Variants in CDH13 observed in about 807,000 individuals in gnomAD.
CDH13 encodes cadherin 13, also known as cadherin-13.
CDH13 carries 24 observed loss-of-function variants against 63.8 expected under a neutral mutation model. The observed-to-expected ratio is 0.38, with a 90% CI of 0.27 to 0.53. CDH13 has a LOEUF of 0.53. Among genes scored for constraint, CDH13 ranks in the 20% least tolerant of loss-of-function variants. The probability of loss-of-function intolerance (pLI) is 0.85; values close to 1 mark genes in which losing one functional copy is unlikely to be tolerated. For missense variants in CDH13, 1,049 were observed against 903.1 expected (o/e 1.16, Z -2.07); for synonymous variants, 503 against 355.3 (o/e 1.42, Z -4.67).
intron 4 of CDH13, among the ~76,000 whole-genome samples, chr16:83,153,519 A>T (rs2037079499): frequency 6.6e-6 from 1 of 152,222 alleles, no homozygotes; most frequent in Admixed American, 6.5e-5. Flanking sequence ...AAGGGCTGTT[A>T]TCACCTTTGT....
chr16:82,930,894 C>G (rs1241333282), intron 2 of CDH13, among the ~76,000 whole-genome samples: 1 of 152,156 alleles, frequency 6.6e-6, no homozygotes, highest in Non-Finnish European at 1.5e-5. Context: ...AGATTAAAAT[C>G]CTGAGCTTTA....
intron 1 of CDH13, among the ~76,000 whole-genome samples, chr16:82,681,458 A>T (rs1914536271): frequency 6.6e-6 from 1 of 152,210 alleles, no homozygotes; most frequent in African/African-American, 2.4e-5. Flanking sequence ...AGTGTTCCAG[A>T]TGTCATTAAT....
intron 5 of CDH13, among the ~76,000 whole-genome samples, chr16:83,311,622 C>T (rs1334824997): frequency 2.0e-5 from 3 of 152,204 alleles, no homozygotes; most frequent in Admixed American, 6.5e-5. Flanking sequence ...GCAGTTCATG[C>T]AGTTACTAAC....
At chr16:82,987,655 G>A (rs941342532) in intron 2 of CDH13, among the ~76,000 whole-genome samples, 4 of 152,308 alleles carry the variant, frequency 2.6e-5, no homozygotes, top group Admixed American at 1.3e-4. Context: ...AGGATTACAG[G>A]CATGAGCCAC....
At chr16:83,314,333 G>C (rs1308065338) in intron 5 of CDH13, among the ~76,000 whole-genome samples, 1 of 151,912 alleles carries the variant, frequency 6.6e-6, no homozygotes, top group Non-Finnish European at 1.5e-5. Context: ...CAGCTGATTA[G>C]ATAAATGTAC....
intron 2 of CDH13, among the ~76,000 whole-genome samples, chr16:82,982,080 A>G (rs1910337743): frequency 6.6e-6 from 1 of 152,176 alleles, no homozygotes; most frequent in Non-Finnish European, 1.5e-5. Flanking sequence ...TTTAGCACTT[A>G]TTAGCTAATA....
At chr16:82,894,720 C>T (rs549403822) in intron 2 of CDH13, among the ~76,000 whole-genome samples, 15 of 152,198 alleles carry the variant, frequency 9.9e-5, no homozygotes, top group South Asian at 2.1e-4. Context: ...AAAATAGAGA[C>T]GATGGGAAGT....
intron 5 of CDH13, among the ~76,000 whole-genome samples, chr16:83,331,529 G>T (rs751614937): frequency 6.6e-6 from 1 of 152,160 alleles, no homozygotes; most frequent in Non-Finnish European, 1.5e-5. Context: ...TGTAGTCACT[G>T]CCTGAACAAG....
chr16:83,034,794 A>T (rs1030280833), intron 3 of CDH13, among the ~76,000 whole-genome samples: 10 of 152,320 alleles, frequency 6.6e-5, no homozygotes, highest in African/African-American at 2.2e-4. Flanking sequence ...TGGGTTCATT[A>T]TGAAAACTCA....
chr16:83,156,148 G>T (rs1470062624), intron 4 of CDH13, among the ~76,000 whole-genome samples: 2 of 152,200 alleles, frequency 1.3e-5, no homozygotes, highest in Non-Finnish European at 2.9e-5. Context: ...GGCTTGGTTT[G>T]TGCTTTGAAC....
intron 2 of CDH13, among the ~76,000 whole-genome samples, chr16:83,027,800 C>A: frequency 6.6e-6 from 1 of 152,136 alleles, no homozygotes; most frequent in Non-Finnish European, 1.5e-5. Context: ...TGCTTACATC[C>A]AGTTCGGTAG....
chr16:83,708,618 C>G (rs965669966), intron 10 of CDH13, among the ~76,000 whole-genome samples: 2 of 152,196 alleles, frequency 1.3e-5, no homozygotes, highest in Non-Finnish European at 2.9e-5. Flanking sequence ...TGTCCACATC[C>G]TAGTCCTTAC....
At chr16:82,651,162 T>C (rs1910677782) in intron 1 of CDH13, among the ~76,000 whole-genome samples, 1 of 152,236 alleles carries the variant, frequency 6.6e-6, no homozygotes, top group Non-Finnish European at 1.5e-5. Flanking sequence ...CAACCATCAT[T>C]ATCTGTGCTC....
intron 5 of CDH13, among the ~76,000 whole-genome samples, chr16:83,264,665 A>C (rs919367959): frequency 1.3e-5 from 2 of 151,650 alleles, no homozygotes; most frequent in African/African-American, 4.8e-5. Context: ...ATATCAAATC[A>C]TATCTATGGC....
rs540566767 is a variant in CDH13 at position 83,464,427 on chromosome 16, G to C, written c.782-22050G>C. Among the ~76,000 whole-genome samples the C allele has an allele frequency of 5.3e-5, 8 of 152,304 alleles. No individual in the cohort carries two copies. In the East Asian group the frequency reaches 1.5e-3, roughly 29 times the overall value. On this transcript the variant is annotated intron_variant, in intron 6 of 13. Transcript: ENST00000567109. The stretch of plus-strand genomic sequence containing the variant: ...CTAAGGAGGCTGAAGCAGGAGAATC[G>C]CTTGAACCGAGGAGGTGGAGGTTGC...
intron 8 of CDH13, among the ~76,000 whole-genome samples, chr16:83,650,733 G>A (rs539444534): frequency 7.9e-5 from 12 of 152,212 alleles, no homozygotes; most frequent in South Asian, 4.2e-4. Context: ...TGGCGAGGTC[G>A]AAAGACTCTA....
chr16:82,743,872 G>A (rs2151058156), intron 1 of CDH13, among the ~76,000 whole-genome samples: 1 of 152,206 alleles, frequency 6.6e-6, no homozygotes, highest in East Asian at 1.9e-4. Flanking sequence ...TCAGGTGTAT[G>A]TAATTAAATT....
intron 1 of CDH13, among the ~76,000 whole-genome samples, chr16:82,681,848 C>T (rs920094861): frequency 6.6e-6 from 1 of 152,246 alleles, no homozygotes; most frequent in African/African-American, 2.4e-5. Flanking sequence ...CCCTGCACTC[C>T]AGGTGGGGTC....
intron 2 of CDH13, among the ~76,000 whole-genome samples, chr16:82,957,916 C>T (rs1906370046): frequency 6.6e-6 from 1 of 152,130 alleles, no homozygotes; most frequent in African/African-American, 2.4e-5. Flanking sequence ...ATAATTTTGC[C>T]AGTGTTTATT....
Sources: gnomAD v4.1 joint callset for allele counts (sites outside exome capture counted in the v4.1 genomes callset) on GRCh38, gnomAD v4.1.1 for gene constraint, MANE v1.5 for transcripts, NCBI Gene and HGNC (gene_info 2026-07-23, HGNC 2026-07-21) for gene names.